The following TIAM2 variants were observed in gnomAD, a reference collection of about 807,000 sequenced individuals.
TIAM2 encodes TIAM Rac1 associated GEF 2.
TIAM2 carries 80 observed loss-of-function variants against 152.9 expected under a neutral mutation model. The ratio of observed to expected loss-of-function variants is 0.52; its 90% CI spans 0.44 to 0.63. TIAM2 has a LOEUF of 0.63. TIAM2 is among the 30% of genes least tolerant of loss of function. The pLI, the probability that TIAM2 is intolerant of heterozygous loss-of-function variation, is 0.00. For missense variants in TIAM2, 1,965 were observed against 2,120.1 expected, an observed-to-expected ratio of 0.93 and a Z score of 1.44; for synonymous variants, 804 against 838.0, an observed-to-expected ratio of 0.96 and a Z score of 0.70.
intron 1 of TIAM2, among the ~76,000 whole-genome samples, chr6:155,000,059 A>G (rs933964534): frequency 3.3e-5 from 5 of 152,228 alleles, no homozygotes; most frequent in Non-Finnish European, 7.3e-5. Flanking sequence ...ACTTTGGAAC[A>G]ATGAACAGTA....
chr6:155,155,919 TAG>T (rs1204120837), intron 7 of TIAM2, among the ~76,000 whole-genome samples: 1 of 152,154 alleles, frequency 6.6e-6, no homozygotes, highest in African/African-American at 2.4e-5. Context: ...GTGGCACTGC[TAG>T]AGAGAGTGCT....
chr6:155,068,765 C>T (rs2114950031), intron 1 of TIAM2, among the ~76,000 whole-genome samples: 1 of 152,124 alleles, frequency 6.6e-6, no homozygotes, highest in African/African-American at 2.4e-5. Flanking sequence ...TTTCGTGCTG[C>T]GATTGTTTAT....
chr6:155,047,646 G>T (rs1217995521), intron 1 of TIAM2, among the ~76,000 whole-genome samples: 1 of 147,756 alleles, frequency 6.8e-6, no homozygotes, highest in East Asian at 2.0e-4. Flanking sequence ...AGGCAGGGGT[G>T]GGGGGAGAGA....
In TIAM2 at chr6:155,186,306, G is replaced by A. The variant is rs372528968; in HGVS notation, c.3064+2806G>A. ...GCTACCCCAGCCTCTTTACCCTGGT[G>A]GAAACGGTTCTGAGGTGCAGTCTAC... On this transcript the variant is annotated intron_variant, in intron 14 of 26. Coordinates refer to ENST00000682666, the MANE Select transcript of TIAM2 (RefSeq NM_012454.4). The surrounding 1 kb of genome is among the most constrained non-coding windows in gnomAD (Gnocchi z 4.5). Among the ~76,000 whole-genome samples the A allele has an allele frequency of 6.6e-6, 1 of 152,126 alleles. No individual in the cohort carries two copies. The highest frequency in any genetic ancestry group is 6.5e-5 in the Admixed American group (1 of 15,278).
intron 14 of TIAM2, among the ~76,000 whole-genome samples, chr6:155,196,516 A>G (rs1043977972): frequency 6.6e-6 from 1 of 152,206 alleles, no homozygotes; most frequent in Non-Finnish European, 1.5e-5. Flanking sequence ...TTACTCAATG[A>G]TTGGGAATCT....
chr6:155,254,825 T>A, intron 26 of TIAM2: 1 of 447,402 alleles, frequency 2.2e-6, no homozygotes, highest in Non-Finnish European at 4.1e-6. Context: ...TTTCTTCCAC[T>A]AAGATGTGCA....
At chr6:155,118,862 C>G (rs11966692) in intron 2 of TIAM2, among the ~76,000 whole-genome samples, 4 of 148,126 alleles carry the variant, frequency 2.7e-5, no homozygotes, top group African/African-American at 9.9e-5. Context: ...AATGTGTGTG[C>G]TTTTTTTTTT....
rs1417706294 is a variant in TIAM2 at position 155,129,301 on chromosome 6, T to C, written c.78T>C (p.Ile26=). 1 of 1,614,190 alleles carries C rather than the reference T, an allele frequency of 6.2e-7. No homozygotes were observed. The highest frequency in any genetic ancestry group is 8.5e-7 in the Non-Finnish European group (1 of 1,180,032). ...HSNTITGAKQ[I]PCSLKIRGIH... The stretch of plus-strand genomic sequence containing the variant: ...ATACTATTACTGGTGCTAAGCAAAT[T>C]CCTTGCTCCCTGAAAATACGTGGCA... The change falls in exon 4 of 27, where the codon ATT becomes ATC. Residue 26 remains isoleucine, a synonymous_variant. Coordinates refer to ENST00000682666, the MANE Select transcript of TIAM2 (RefSeq NM_012454.4). The surrounding 1 kb of genome is among the most constrained non-coding windows in gnomAD (Gnocchi z 4.8).
In TIAM2 at chr6:155,245,614, C is replaced by T. The variant is rs1189564680; in HGVS notation, c.3544-9C>T. On this transcript the variant is annotated splice_polypyrimidine_tract_variant and intron_variant, in intron 18 of 26. Transcript: ENST00000682666. ...ATGTCTGATTTGACTTTCCCCTCTGCCCTTCTAGAAATTACTGTTTTCCCT... is the reference window on the plus strand; with the variant it reads ...ATGTCTGATTTGACTTTCCCCTCTGTCCTTCTAGAAATTACTGTTTTCCCT... The T allele has an allele frequency of 3.1e-6, 5 of 1,608,312 alleles. No individual in the cohort carries two copies. Among genetic ancestry groups the T allele is most frequent in the Non-Finnish European group, 4.3e-6 (5 of 1,174,872 alleles).
intron 9 of TIAM2, among the ~76,000 whole-genome samples, chr6:155,176,454 G>C (rs191660244): frequency 1.3e-5 from 2 of 152,280 alleles, no homozygotes; most frequent in Admixed American, 1.3e-4. Context: ...GGCTGGTCTC[G>C]AACTCCTGAC....
Position 155,257,229 on chromosome 6 carries a change from T to C in TIAM2, c.*108T>C. On this transcript the variant is annotated 3_prime_UTR_variant, in exon 27 of 27. Coordinates refer to ENST00000682666, the MANE Select transcript of TIAM2 (RefSeq NM_012454.4). ...AAAAAAAACTGTTCATTCCTGGGTT[T>C]TGTGCAGTATACATTTTCCCACAAA... is the stretch of plus-strand genomic sequence containing the variant. The C allele has an allele frequency of 8.3e-7, 1 of 1,211,666 alleles. No individual in the cohort carries two copies. Among genetic ancestry groups the C allele is most frequent in the Non-Finnish European group, 1.1e-6 (1 of 878,376 alleles). 75.1% of individuals were successfully genotyped at this position (1,211,666 alleles called of 1,614,324 possible).
intron 19 of TIAM2, 26 bp downstream of exon 19, chr6:155,245,757 T>TTTTC: frequency 7.1e-7 from 1 of 1,403,640 alleles, no homozygotes; most frequent in Non-Finnish European, 9.7e-7. Flanking sequence ...CTTTTATAGT[T>TTTTC]TTTTTTTTTT....
chr6:155,087,213 A>C lies in TIAM2; in HGVS notation c.-208-3076A>C, dbSNP rs557265918. ...TAGAAACCAAAAAACATGAAATCAC[A>C]TGGTATTTGGAATGAACATGTGGAA... On this transcript the variant is annotated intron_variant, in intron 1 of 26. Transcript: ENST00000682666. 4.6e-5 allele frequency among the ~76,000 whole-genome samples: 7 copies of C among 152,320 alleles called. No homozygotes were observed. The South Asian group carries it at 1.2e-3, about 27-fold the overall frequency.
chr6:155,092,394 G>T (rs1778325717), intron 2 of TIAM2, among the ~76,000 whole-genome samples: 1 of 152,112 alleles, frequency 6.6e-6, no homozygotes, highest in Non-Finnish European at 1.5e-5. Context: ...CACCATGCAA[G>T]CTGGGTAAGT....
At chr6:155,241,072 C>G (rs74772052) in intron 16 of TIAM2, among the ~76,000 whole-genome samples, 6,303 of 152,258 alleles carry the variant, frequency 0.041, 265 homozygotes, top group African/African-American at 0.1. Flanking sequence ...TCTGTACATA[C>G]GTGACGGCTG....
intron 1 of TIAM2, among the ~76,000 whole-genome samples, chr6:155,028,727 A>T (rs1447246594): frequency 7.5e-6 from 1 of 133,466 alleles, no homozygotes; most frequent in African/African-American, 2.8e-5. Flanking sequence ...TACATATAAT[A>T]TATATACTGT....
intron 15 of TIAM2, among the ~76,000 whole-genome samples, chr6:155,235,432 T>C (rs1307366259): frequency 6.6e-6 from 1 of 152,154 alleles, no homozygotes; most frequent in African/African-American, 2.4e-5. Context: ...TATCACCATA[T>C]ATGCATGTGA....
chr6:155,106,012 A>ATTTTG (rs1778679208), intron 2 of TIAM2, among the ~76,000 whole-genome samples: 1 of 149,172 alleles, frequency 6.7e-6, no homozygotes, highest in African/African-American at 2.5e-5. Context: ...ATTTTATTTT[A>ATTTTG]TTTTATTTTT....
chr6:155,181,269 G>A (rs1454729920), intron 12 of TIAM2, among the ~76,000 whole-genome samples: 8 of 152,128 alleles, frequency 5.3e-5, no homozygotes, highest in African/African-American at 1.7e-4. Flanking sequence ...GAAGAGGGAA[G>A]GTCTGCCTAG....
Sources: allele counts gnomAD v4.1 joint callset (sites outside exome capture counted in the v4.1 genomes callset), GRCh38; gene constraint gnomAD v4.1.1; non-coding constraint Gnocchi (gnomAD v3.1); transcripts MANE v1.5; gene names NCBI Gene and HGNC (gene_info 2026-07-23, HGNC 2026-07-21).